Variants in ABRACL observed in about 807,000 individuals in gnomAD.
ABRACL encodes ABRA C-terminal like.
A neutral mutation model predicts 7.0 loss-of-function variants in ABRACL; 4 were observed. That is an observed-to-expected ratio of 0.57 (90% CI 0.28 to 1.30). The LOEUF (loss-of-function observed/expected upper bound fraction) is 1.30. Ranked by LOEUF, ABRACL falls within the 50% of genes most tolerant of loss-of-function variation. The pLI is 0.10. For missense variants in ABRACL, 104 were observed against 97.3 expected, an observed-to-expected ratio of 1.07 and a Z score of -0.29; for synonymous variants, 30 against 36.0, an observed-to-expected ratio of 0.83 and a Z score of 0.60.
chr6:139,042,412 TAAC>T (rs1476243563), intron 2 of ABRACL, among the ~76,000 whole-genome samples: 3 of 152,204 alleles, frequency 2.0e-5, no homozygotes, highest in Admixed American at 1.3e-4. Context: ...ACGTAACAAT[TAAC>T]AAATAAAAAT....
rs1786277167 is a variant in ABRACL at position 139,043,020 on chromosome 6, A to G, written c.*117A>G. ...TATTTTTATAGAACTTTGTAAACGA[A>G]AGGAGATTCATGTTTTAGAAGTCTG... On this transcript the variant is annotated 3_prime_UTR_variant, in exon 3 of 3. Coordinates refer to ENST00000367660, the MANE Select transcript of ABRACL (RefSeq NM_021243.3). The G allele has an allele frequency of 3.6e-6, 3 of 829,282 alleles. No individual in the cohort carries two copies. The highest frequency in any genetic ancestry group is 5.2e-6 in the Non-Finnish European group (3 of 572,372). 51.4% of individuals were successfully genotyped at this position (829,282 alleles called of 1,614,324 possible).
At chr6:139,031,632 A>G (rs1786082720) in intron 1 of ABRACL, among the ~76,000 whole-genome samples, 1 of 152,218 alleles carries the variant, frequency 6.6e-6, no homozygotes, top group South Asian at 2.1e-4. Flanking sequence ...CTGTTCTCAC[A>G]TGGTGGCCAT....
intron 2 of ABRACL, among the ~76,000 whole-genome samples, chr6:139,040,362 C>G (rs533011075): frequency 6.3e-4 from 96 of 152,206 alleles, no homozygotes; most frequent in Admixed American, 1.4e-3. Context: ...GTGGAATCAC[C>G]CAAACATTTG....
chr6:139,042,123 A>G (rs1304421154), intron 2 of ABRACL, among the ~76,000 whole-genome samples: 1 of 152,188 alleles, frequency 6.6e-6, no homozygotes, highest in African/African-American at 2.4e-5. Flanking sequence ...TTGATGTTTA[A>G]CAACAGATCT....
intron 2 of ABRACL, among the ~76,000 whole-genome samples, chr6:139,037,612 AT>A (rs1786181752): frequency 6.6e-6 from 1 of 151,474 alleles, no homozygotes; most frequent in Non-Finnish European, 1.5e-5. Flanking sequence ...CCCTAACTCA[AT>A]TTTTCTCCCA....
At chr6:139,039,785 C>T (rs1043062537) in intron 2 of ABRACL, among the ~76,000 whole-genome samples, 1 of 152,052 alleles carries the variant, frequency 6.6e-6, no homozygotes, top group African/African-American at 2.4e-5. Context: ...CCATGGACTT[C>T]CCTTTATTTA....
chr6:139,031,540 T>C (rs569649495), intron 1 of ABRACL, among the ~76,000 whole-genome samples: 2 of 152,340 alleles, frequency 1.3e-5, no homozygotes, highest in East Asian at 3.9e-4. Context: ...GTTCATGTAG[T>C]TGGAAAGTCC....
intron 2 of ABRACL, among the ~76,000 whole-genome samples, chr6:139,041,451 C>CTCTATATATA (rs140091253): frequency 1.2e-4 from 13 of 110,054 alleles, no homozygotes; most frequent in Admixed American, 2.1e-4. Context: ...CTCTCTCTCT[C>CTCTATATATA]TATATATATA....
intron 2 of ABRACL, among the ~76,000 whole-genome samples, chr6:139,039,216 A>G (rs924487673): frequency 4.1e-5 from 6 of 144,936 alleles, no homozygotes; most frequent in Non-Finnish European, 6.0e-5. Flanking sequence ...CAAGAAGGAA[A>G]CTCCATCTCA....
At chr6:139,041,491 A>G (rs193051893) in intron 2 of ABRACL, among the ~76,000 whole-genome samples, 1,216 of 63,332 alleles carry the variant, frequency 0.019, 11 homozygotes, top group Non-Finnish European at 0.027. Context: ...CTATATATAT[A>G]TATGTGTGTG....
At chr6:139,034,528 A>T in intron 2 of ABRACL, 1 of 1,035,492 alleles carries the variant, frequency 9.7e-7, no homozygotes, top group East Asian at 2.7e-5. Context: ...ATCATGTTCA[A>T]ATTTTTACTT....
In ABRACL at chr6:139,037,978, T is replaced by C. The variant is rs147354192; in HGVS notation, c.61+3757T>C. 8.7e-4 allele frequency among the ~76,000 whole-genome samples: 133 copies of C among 152,210 alleles called. 1 individual carries two copies. The highest frequency in any genetic ancestry group is 2.7e-3 in the African/African-American group (114 of 41,546). On this transcript the variant is annotated intron_variant, in intron 2 of 2. Coordinates refer to ENST00000367660, the MANE Select transcript of ABRACL (RefSeq NM_021243.3). Reference sequence around the variant, plus strand: ...TTTTACTAGAGACAGTTTTTCGCCATGTTGGCCAGGCTGGTCTCGAACTCC... The same window carrying C: ...TTTTACTAGAGACAGTTTTTCGCCACGTTGGCCAGGCTGGTCTCGAACTCC...
intron 2 of ABRACL, among the ~76,000 whole-genome samples, chr6:139,041,235 C>T (rs1221540411): frequency 1.3e-5 from 2 of 151,916 alleles, no homozygotes; most frequent in Middle Eastern, 3.2e-3. Context: ...TCTTGCCCTC[C>T]TCTAAACTGT....
In ABRACL at chr6:139,042,715, C is replaced by T; in HGVS notation, c.62-4C>T. 1 of 1,608,468 alleles carries T rather than the reference C, an allele frequency of 6.2e-7. No homozygotes were observed. The highest frequency in any genetic ancestry group is 1.3e-5 in the African/African-American group (1 of 74,852). On this transcript the variant is annotated splice_polypyrimidine_tract_variant and splice_region_variant and intron_variant, in intron 2 of 2. Coordinates refer to ENST00000367660, the MANE Select transcript of ABRACL (RefSeq NM_021243.3). ...TTTGCTAACAATGTATTTTCTCAAACTAGATGCTGATGGAAAGTTAAGCGT... is the reference window on the plus strand; with the variant it reads ...TTTGCTAACAATGTATTTTCTCAAATTAGATGCTGATGGAAAGTTAAGCGT...
intron 2 of ABRACL, among the ~76,000 whole-genome samples, chr6:139,041,532 T>TATATA (rs375672404): frequency 3.9e-3 from 30 of 7,640 alleles, no homozygotes; most frequent in African/African-American, 0.023. Context: ...TATATATATA[T>TATATA]TTTTTTTTAG....
intron 2 of ABRACL, 36 bp from the exon 3 acceptor site, chr6:139,042,683 C>A: frequency 6.3e-7 from 1 of 1,579,832 alleles, no homozygotes; most frequent in South Asian, 1.2e-5. Context: ...ATGAAACAGA[C>A]TTTGCATTTG....
Position 139,040,532 on chromosome 6 carries a change from C to A in ABRACL, c.62-2187C>A, listed in dbSNP as rs571875650. Among the ~76,000 whole-genome samples, 4 of 152,176 alleles carry A rather than the reference C, an allele frequency of 2.6e-5. No homozygotes were observed. The East Asian group carries it at 7.7e-4, about 29-fold the overall frequency. On this transcript the variant is annotated intron_variant, in intron 2 of 2. Transcript: ENST00000367660. ...TATGTCTGTTAATCCTTGCAACAGC[C>A]CTGTGAGAGGTATTTTTGCCCTCAT...
intron 2 of ABRACL, among the ~76,000 whole-genome samples, chr6:139,041,880 A>C (rs1786258985): frequency 6.6e-6 from 1 of 152,144 alleles, no homozygotes. Context: ...TTTGCCAAGC[A>C]TCCAGTGGGA....
At chr6:139,042,297 C>T (rs947980911) in intron 2 of ABRACL, among the ~76,000 whole-genome samples, 1 of 152,150 alleles carries the variant, frequency 6.6e-6, no homozygotes, top group African/African-American at 2.4e-5. Flanking sequence ...AGGAGCCCCC[C>T]ACTCCCACCC....
Sources: allele counts gnomAD v4.1 joint callset (sites outside exome capture counted in the v4.1 genomes callset), GRCh38; gene constraint gnomAD v4.1.1; transcripts MANE v1.5; gene names NCBI Gene and HGNC (gene_info 2026-07-23, HGNC 2026-07-21).